The following BHLHE41 variants were observed in gnomAD, a reference collection of about 807,000 sequenced individuals.
BHLHE41 encodes class E basic helix-loop-helix protein 41.
BHLHE41 carries 14 observed loss-of-function variants against 24.0 expected under a neutral mutation model. That is an observed-to-expected ratio of 0.58 (90% CI 0.39 to 0.91). The LOEUF is 0.91. Among genes scored for constraint, BHLHE41 ranks in the 40% least tolerant of loss-of-function variants. BHLHE41 has a pLI of 0.00. For missense variants in BHLHE41, 674 were observed against 655.4 expected (o/e 1.03, Z -0.31); for synonymous variants, 394 against 315.5 (o/e 1.25, Z -2.64).
intron 2 of BHLHE41, 54 bp from the exon 3 acceptor site, chr12:26,124,233 A>T: frequency 8.6e-7 from 1 of 1,164,190 alleles, no homozygotes; most frequent in Non-Finnish European, 1.3e-6. Flanking sequence ...ACATTCACTT[A>T]TTGGATATTA....
chr12:26,122,293 C>CT lies in BHLHE41; in HGVS notation c.1221_1222insA (p.Ala408SerfsTer92). ...GACAGGCAGGGGAACGCGGCGGCGG[C>CT]GGCGGCAGCGGCGGCGGCGGCTGCC... On this transcript the variant is annotated frameshift_variant, in exon 5 of 5. Coordinates refer to ENST00000242728, the MANE Select transcript of BHLHE41 (RefSeq NM_030762.3). LOFTEE classifies it high-confidence loss of function. 3 of 1,183,476 alleles carry CT rather than the reference C, an allele frequency of 2.5e-6. No individual in the cohort carries two copies. Among genetic ancestry groups the CT allele is most frequent in the Non-Finnish European group, 3.1e-6 (3 of 958,910 alleles). The allele number at this position is 1,183,476 out of a possible 1,614,324, so 73.3% of individuals were successfully genotyped here.
At position 26,124,861 on chromosome 12, in the gene BHLHE41, TGGG is replaced by T. The variant is rs1259114029; in HGVS notation, c.-85_-83del. On this transcript the variant is annotated 5_prime_UTR_variant, in exon 1 of 5. Coordinates refer to ENST00000242728, the MANE Select transcript of BHLHE41 (RefSeq NM_030762.3). The stretch of plus-strand genomic sequence containing the variant: ...GTGGGACGGTAGGCTTGGGAGACCT[TGGG>T]GGGATCTGTGCGTCTCCAGTCTCTC... 3 of 1,358,106 alleles carry T rather than the reference TGGG, an allele frequency of 2.2e-6. No individual in the cohort carries two copies. The East Asian group carries it at 6.9e-5, about 31-fold the overall frequency. The allele number at this position is 1,358,106 out of a possible 1,614,324, so 84.1% of individuals were successfully genotyped here. A position where few individuals can be genotyped will look rare whatever the true frequency, so the allele number is the denominator to read the frequency against.
At position 26,123,988 on chromosome 12, in the gene BHLHE41, A is replaced by G. The variant is rs1944338916; in HGVS notation, c.234+84T>C. On this transcript the variant is annotated intron_variant, in intron 3 of 4. Transcript: ENST00000242728. Reference sequence around the variant, plus strand: ...TTTTAAGTCAGGAACTTATATTTACATTTATTCTTATATTTTCTGGGAGTC... The same window carrying G: ...TTTTAAGTCAGGAACTTATATTTACGTTTATTCTTATATTTTCTGGGAGTC... 1.3e-5 allele frequency: 13 copies of G among 1,011,610 alleles called. No individual in the cohort carries two copies. In the East Asian group the frequency reaches 2.7e-4, roughly 21 times the overall value. The allele number at this position is 1,011,610 out of a possible 1,614,324, so 62.7% of individuals were successfully genotyped here. A position where few individuals can be genotyped will look rare whatever the true frequency, so the allele number is the denominator to read the frequency against.
At position 26,122,059 on chromosome 12, in the gene BHLHE41, C is replaced by T. The variant is rs1174552585; in HGVS notation, c.*7G>A. On this transcript the variant is annotated 3_prime_UTR_variant, in exon 5 of 5. Transcript: ENST00000242728. ...GCTTGAACCTCCGTCCTTCGGGACG[C>T]AAGGATTCAGGGAGCTTCCTTTCCT... 1 of 1,549,476 alleles carries T rather than the reference C, an allele frequency of 6.5e-7. No individual in the cohort carries two copies. The highest frequency in any genetic ancestry group is 1.2e-5 in the South Asian group (1 of 84,052).
At position 26,122,862 on chromosome 12, in the gene BHLHE41, A is replaced by G; in HGVS notation, c.653T>C (p.Val218Ala). The G allele has an allele frequency of 6.4e-7, 1 of 1,565,622 alleles. No homozygotes were observed. The highest frequency in any genetic ancestry group is 1.2e-5 in the South Asian group (1 of 85,464). The stretch of plus-strand genomic sequence containing the variant: ...GGGCTGAGTCCGCTGGATGACGGGC[A>G]CGCAGTAGGCGAGGGGCTCCAGCTT... ...GQKLEPLAYCVPVIQRTQPSA... is the reference protein window; with the variant it reads ...GQKLEPLAYCAPVIQRTQPSA... Residue 218 changes from valine to alanine, a missense_variant, in exon 5 of 5, where the codon GTG (valine) becomes GCG (alanine). Physicochemically the swap from Val to Ala is moderately conservative, Grantham distance 64 (BLOSUM62 0). This residue lies in a region of BHLHE41 where 602 missense variants were observed against 570.8 expected (regional missense o/e 1.05). Transcript: ENST00000242728.
At chr12:26,124,294 A>G in intron 2 of BHLHE41, 115 bp from the exon 3 acceptor site, 1 of 664,778 alleles carries the variant, frequency 1.5e-6, no homozygotes. Context: ...TATGTGATAA[A>G]CTACACCCAA....
At chr12:26,123,857 CT>C in intron 3 of BHLHE41, 116 bp from the exon 4 acceptor site, 1 of 813,968 alleles carries the variant, frequency 1.2e-6, no homozygotes, top group East Asian at 2.5e-5. Flanking sequence ...AAGTACTGTT[CT>C]TTTACTTCTT....
Position 26,122,975 on chromosome 12 carries a change from C to T in BHLHE41, c.540G>A (p.Leu180=). The change falls in exon 5 of 5, where the codon TTG becomes TTA. Residue 180 remains leucine (L), a synonymous_variant. Coordinates refer to ENST00000242728, the MANE Select transcript of BHLHE41 (RefSeq NM_030762.3). ...CTTTGCTCAGAGGGACCTGTTGAGT[C>T]AACAGCTGCGGGGTGGGCAAGAACT... is the stretch of plus-strand genomic sequence containing the variant. ...ATQFLPTPQL[L]TQQVPLSKGT... is the part of the protein sequence containing the mutation. The T allele has an allele frequency of 6.4e-7, 1 of 1,564,118 alleles. No individual in the cohort carries two copies. The highest frequency in any genetic ancestry group is 8.7e-7 in the Non-Finnish European group (1 of 1,153,804).
Position 26,122,705 on chromosome 12 carries a change from G to C in BHLHE41, c.810C>G (p.Pro270=), listed in dbSNP as rs1314095935. The change falls in exon 5 of 5, where the codon CCC becomes CCG. Residue 270 remains proline (P), a synonymous_variant. Coordinates refer to ENST00000242728, the MANE Select transcript of BHLHE41 (RefSeq NM_030762.3). ...ASRVTIKQEP[P]GEDSPAPKRM... Reference sequence around the variant, plus strand: ...TCTTGGGCGCCGGCGAGTCCTCCCCGGGAGGCTCCTGCTTGATGGTGACGC... The same window carrying C: ...TCTTGGGCGCCGGCGAGTCCTCCCCCGGAGGCTCCTGCTTGATGGTGACGC... 2.7e-5 allele frequency: 43 copies of C among 1,579,422 alleles called. No homozygotes were observed. Among genetic ancestry groups the C allele is most frequent in the Non-Finnish European group, 3.7e-5 (43 of 1,167,858 alleles).
Position 26,124,075 on chromosome 12 carries a change from C to T in BHLHE41, c.231G>A (p.Leu77=). 1 of 1,598,034 alleles carries T rather than the reference C, an allele frequency of 6.3e-7. No homozygotes were observed. Among genetic ancestry groups the T allele is most frequent in the Non-Finnish European group, 8.6e-7 (1 of 1,165,346 alleles). ...AGAATGAAAATGTGCATCTTACTGT[C>T]AATTTCAGATGTTCAGGCAGTAAAT... ...LKDLLPEHLK[L]TTLGHLEKAV... The change falls in exon 3 of 5, where the codon TTG becomes TTA. Residue 77 remains leucine (L), a synonymous_variant. Coordinates refer to ENST00000242728, the MANE Select transcript of BHLHE41 (RefSeq NM_030762.3).
rs1944318558 is a variant in BHLHE41 at position 26,122,482 on chromosome 12, C to T, written c.1033G>A (p.Ala345Thr). Residue 345 changes from alanine to threonine, a missense_variant, in exon 5 of 5, where the codon GCC becomes ACC. Transcript: ENST00000242728. ...AAGCAGAAGGGCAGGCAGAAGGGGG[C>T]CGCGGCGGCCGCGGGCTGCGGGAAG... ...APFPQPAAAA[A>T]PFCLPFCFLS... 3.0e-6 allele frequency: 4 copies of T among 1,329,384 alleles called. No individual in the cohort carries two copies. Among genetic ancestry groups the T allele is most frequent in the Non-Finnish European group, 3.9e-6 (4 of 1,029,918 alleles). 82.3% of individuals were successfully genotyped at this position (1,329,384 alleles called of 1,614,324 possible).
In BHLHE41 at chr12:26,123,760, G is replaced by A. The variant is rs1017216278; in HGVS notation, c.235-19C>T. Reference sequence around the variant, plus strand: ...CCAGAGTCTGCAGTGGTGCAAAAAAGAAACGGGCACTTGGTTACTTAAAAA... The same window carrying A: ...CCAGAGTCTGCAGTGGTGCAAAAAAAAAACGGGCACTTGGTTACTTAAAAA... On this transcript the variant is annotated intron_variant, in intron 3 of 4. Transcript: ENST00000242728. 28 of 1,520,824 alleles carry A rather than the reference G, an allele frequency of 1.8e-5. No homozygotes were observed. The highest frequency in any genetic ancestry group is 2.6e-5 in the Non-Finnish European group (28 of 1,095,146). The allele number at this position is 1,520,824 out of a possible 1,614,324, so 94.2% of individuals were successfully genotyped here.
At chr12:26,123,219 G>A (rs1313786721) in intron 4 of BHLHE41, 51 bp from the exon 5 acceptor site, 1 of 1,523,888 alleles carries the variant, frequency 6.6e-7, no homozygotes, top group Non-Finnish European at 8.8e-7. Context: ...GAGGCAAGAA[G>A]AAACATACCC....
intron 4 of BHLHE41, 43 bp from the exon 5 acceptor site, chr12:26,123,211 G>C: frequency 1.3e-6 from 2 of 1,533,880 alleles, no homozygotes; most frequent in Non-Finnish European, 1.8e-6. Flanking sequence ...GAGGAGTGGA[G>C]GCAAGAAGAA....
chr12:26,124,382 C>A lies in BHLHE41; in HGVS notation c.126+137G>T, dbSNP rs112580893. 1.7e-4 allele frequency: 171 copies of A among 992,776 alleles called. 1 individual carries two copies. The African/African-American group carries it at 2.2e-3, about 13-fold the overall frequency. The allele number at this position is 992,776 out of a possible 1,614,324, so 61.5% of individuals were successfully genotyped here. ...TGTTTAATATCCCCCTGAGAGTACC[C>A]AGCAAGCCACTTAAAATTCACAGTT... On this transcript the variant is annotated intron_variant, in intron 2 of 4. Transcript: ENST00000242728.
intron 3 of BHLHE41, 115 bp from the exon 4 acceptor site, chr12:26,123,856 T>A: frequency 1.2e-6 from 1 of 812,708 alleles, no homozygotes; most frequent in Non-Finnish European, 2.1e-6. Context: ...GAAGTACTGT[T>A]CTTTTACTTC....
Position 26,122,078 on chromosome 12 carries a change from C to T in BHLHE41, c.1437G>A (p.Lys479=), listed in dbSNP as rs1368591550. ...GGGACGCAAGGATTCAGGGAGCTTC[C>T]TTTCCTGGCTGCGAGGGATCTTCCT... is the stretch of plus-strand genomic sequence containing the variant. The part of the protein sequence containing the change: ...SAQEDPSQPG[K]EAP The change falls in exon 5 of 5, where the codon AAG becomes AAA. Residue 479 remains lysine, a synonymous_variant. Coordinates refer to ENST00000242728, the MANE Select transcript of BHLHE41 (RefSeq NM_030762.3). 2.6e-6 allele frequency: 4 copies of T among 1,549,650 alleles called. No individual in the cohort carries two copies. Among genetic ancestry groups the T allele is most frequent in the African/African-American group, 2.7e-5 (2 of 73,004 alleles).
chr12:26,124,344 A>C (rs1024511466), intron 2 of BHLHE41, among the ~76,000 whole-genome samples, 165 bp from the exon 3 acceptor site: 3 of 145,166 alleles, frequency 2.1e-5, no homozygotes, highest in Admixed American at 1.5e-4. Context: ...ATGCAATTTA[A>C]ATTCAGGTAT....
At position 26,122,098 on chromosome 12, in the gene BHLHE41, C is replaced by G; in HGVS notation, c.1417G>C (p.Asp473His). 6.5e-7 allele frequency: 1 copy of G among 1,549,842 alleles called. No individual in the cohort carries two copies. Among genetic ancestry groups the G allele is most frequent in the Non-Finnish European group, 8.7e-7 (1 of 1,146,640 alleles). Reference sequence around the variant, plus strand: ...GCTTCCTTTCCTGGCTGCGAGGGATCTTCCTGAGCAGAGCTCTCCGGGTTC... The same window carrying G: ...GCTTCCTTTCCTGGCTGCGAGGGATGTTCCTGAGCAGAGCTCTCCGGGTTC... Reference protein sequence around the residue: ...PGNPESSAQEDPSQPGKEAP With the variant: ...PGNPESSAQEHPSQPGKEAP Residue 473 changes from aspartate to histidine, a missense_variant, in exon 5 of 5, where the codon GAT becomes CAT. Around this residue, in one of 3 missense-constraint regions of BHLHE41, gnomAD observed 602 missense variants for 570.8 expected, o/e 1.05. Coordinates refer to ENST00000242728, the MANE Select transcript of BHLHE41 (RefSeq NM_030762.3).
Sources: gnomAD v4.1 joint callset for allele counts (sites outside exome capture counted in the v4.1 genomes callset) on GRCh38, gnomAD v4.1.1 for gene constraint, gnomAD v4.1.1 regional missense constraint, MANE v1.5 for transcripts, NCBI Gene and HGNC (gene_info 2026-07-23, HGNC 2026-07-21) for gene names.